The following DOCK4 variants were observed in gnomAD, a reference collection of about 807,000 sequenced individuals.
The protein encoded by DOCK4 is dedicator of cytokinesis protein 4.
In DOCK4, 97 loss-of-function variants were observed where a neutral mutation model predicts 268.1. The ratio of observed to expected loss-of-function variants is 0.36; its 90% CI spans 0.31 to 0.43. The LOEUF is 0.43. Among genes scored for constraint, DOCK4 ranks in the 20% least tolerant of loss-of-function variants. The pLI is 1.00. For synonymous variants in DOCK4, 954 were observed against 887.2 expected (o/e 1.08, Z -1.34); for missense variants, 2,145 against 2,455.7 (o/e 0.87, Z 2.67).
chr7:111,762,364 G>A (rs1461007412), intron 39 of DOCK4, among the ~76,000 whole-genome samples: 3 of 152,134 alleles, frequency 2.0e-5, no homozygotes, highest in Non-Finnish European at 2.9e-5. Context: ...CTCATTAGCA[G>A]TTACTTCCTA....
chr7:112,115,351 A>C (rs1812036076), intron 1 of DOCK4, among the ~76,000 whole-genome samples: 1 of 152,246 alleles, frequency 6.6e-6, no homozygotes, highest in African/African-American at 2.4e-5. Context: ...CAGTGAGTCC[A>C]TCTGATGTGC....
At chr7:112,122,585 T>C (rs889836545) in intron 1 of DOCK4, among the ~76,000 whole-genome samples, 1 of 152,180 alleles carries the variant, frequency 6.6e-6, no homozygotes, top group Non-Finnish European at 1.5e-5. Context: ...CTGCCTCTTA[T>C]AAACAGTATT....
intron 20 of DOCK4, among the ~76,000 whole-genome samples, chr7:111,870,470 C>T (rs10249065): frequency 0.08 from 12,177 of 151,812 alleles, 584 homozygotes; most frequent in Middle Eastern, 0.12. Context: ...TTCAAGTATG[C>T]ACCACCACGC....
intron 13 of DOCK4, among the ~76,000 whole-genome samples, chr7:111,904,752 C>T (rs1369220784): frequency 6.6e-6 from 1 of 152,094 alleles, no homozygotes; most frequent in East Asian, 1.9e-4. Context: ...TATTAGAAAC[C>T]TCTGGGTCTC....
At position 111,732,230 on chromosome 7, in the gene DOCK4, A is replaced by G. The variant is rs1450419343; in HGVS notation, c.5477T>C (p.Leu1826Ser). 1 of 1,614,014 alleles carries G rather than the reference A, an allele frequency of 6.2e-7. No individual in the cohort carries two copies. The highest frequency in any genetic ancestry group is 1.1e-5 in the South Asian group (1 of 91,050). Residue 1826 changes from leucine to serine, a missense_variant, in exon 52 of 53, where the codon TTG becomes TCG. Coordinates refer to ENST00000428084, the MANE Select transcript of DOCK4 (RefSeq NM_001363540.2). ...VSPSPAGRSP[L>S]KGSVQSFTPS... ...AGTCGAAAGAAGGGCCTTTACCTTCAATGGAGATCGCCCGGCAGGCGAGGG... is the reference window on the plus strand; with the variant it reads ...AGTCGAAAGAAGGGCCTTTACCTTCGATGGAGATCGCCCGGCAGGCGAGGG...
At chr7:111,969,415 T>G (rs1797512759) in intron 8 of DOCK4, among the ~76,000 whole-genome samples, 1 of 139,546 alleles carries the variant, frequency 7.2e-6, no homozygotes, top group African/African-American at 3.0e-5. Context: ...TACTAAAAAA[T>G]AAACTCATTT....
At chr7:112,148,493 G>A (rs1182723943) in intron 1 of DOCK4, among the ~76,000 whole-genome samples, 7 of 152,104 alleles carry the variant, frequency 4.6e-5, no homozygotes, top group Non-Finnish European at 7.4e-5. Flanking sequence ...TGATAGAGTC[G>A]TTTTGTGCTT....
rs759800360 is a variant in DOCK4, at chr7:111,895,722, T to TA, written c.1481-5dup. ...TTCTTCTCTCCTTTCTCCTTTGCTG[T>TA]AAAAAACAAATTACTTGCTTATTTA... On this transcript the variant is annotated splice_region_variant and splice_polypyrimidine_tract_variant and intron_variant, in intron 15 of 52. Coordinates refer to ENST00000428084, the MANE Select transcript of DOCK4 (RefSeq NM_001363540.2). 3 of 1,613,206 alleles carry TA rather than the reference T, an allele frequency of 1.9e-6. No individual in the cohort carries two copies. The highest frequency in any genetic ancestry group is 1.1e-5 in the South Asian group (1 of 91,056).
In DOCK4 at chr7:111,790,593, A is replaced by C. The variant is rs1227599354; in HGVS notation, c.3179T>G (p.Leu1060Arg). 1 of 1,612,614 alleles carries C rather than the reference A, an allele frequency of 6.2e-7. No individual in the cohort carries two copies. The highest frequency in any genetic ancestry group is 2.2e-5 in the East Asian group (1 of 44,826). Residue 1060 changes from leucine to arginine, a missense_variant, in exon 31 of 53, where the codon CTT (leucine) becomes CGT (arginine). By Grantham distance (102) the Leu-to-Arg change is moderately radical (BLOSUM62 -2). Around this residue, in one of 2 missense-constraint regions of DOCK4, gnomAD observed 1,598 missense variants for 1,986.7 expected, o/e 0.80. Transcript: ENST00000428084. ...SMWQNLGEHK[L>R]HFIPALIGPF... The stretch of plus-strand genomic sequence containing the variant: ...GCCAATCAGGGCAGGGATAAAATGA[A>C]GCTTGTGCTCTCCTAAAGTGAGAAA...
chr7:111,771,650 G>A (rs1316001175), intron 36 of DOCK4, among the ~76,000 whole-genome samples: 1 of 152,180 alleles, frequency 6.6e-6, no homozygotes, highest in Non-Finnish European at 1.5e-5. Context: ...TCCCTGAGAT[G>A]ATTTCCTGAT....
intron 1 of DOCK4, among the ~76,000 whole-genome samples, chr7:112,057,796 T>A (rs1805970953): frequency 1.3e-5 from 2 of 151,410 alleles, no homozygotes; most frequent in South Asian, 4.2e-4. Flanking sequence ...TATATAAAAA[T>A]AATAATAATG....
At chr7:111,983,960 G>T (rs1328364957) in intron 7 of DOCK4, among the ~76,000 whole-genome samples, 1 of 152,064 alleles carries the variant, frequency 6.6e-6, no homozygotes, top group East Asian at 1.9e-4. Flanking sequence ...ACACCCATTA[G>T]TTACAGCATG....
rs781749992 is a variant in DOCK4, at chr7:112,051,070, T to C, written c.38-46939A>G. ...AAGAAGAGAGTATTAGGCACACATA[T>C]ATGTTAATACTATATAATACCACTG... is the stretch of plus-strand genomic sequence containing the variant. On this transcript the variant is annotated intron_variant, in intron 1 of 52. Transcript: ENST00000428084. Among the ~76,000 whole-genome samples the C allele has an allele frequency of 5.3e-4, 81 of 152,200 alleles. 1 individual carries two copies. Among genetic ancestry groups the C allele is most frequent in the Admixed American group, 5.3e-3 (81 of 15,278 alleles).
intron 8 of DOCK4, among the ~76,000 whole-genome samples, chr7:111,954,192 G>A (rs1006856151): frequency 2.0e-5 from 3 of 152,190 alleles, no homozygotes; most frequent in Non-Finnish European, 4.4e-5. Context: ...TGTGAAGAGA[G>A]CTGTTACTGT....
intron 52 of DOCK4, among the ~76,000 whole-genome samples, chr7:111,731,876 T>TC (rs1795113325): frequency 6.9e-6 from 1 of 144,826 alleles, no homozygotes; most frequent in East Asian, 1.9e-4. Flanking sequence ...GTGTGTGTGT[T>TC]TGATGTACCT....
intron 26 of DOCK4, among the ~76,000 whole-genome samples, chr7:111,823,671 T>G (rs1462988747): frequency 1.3e-5 from 2 of 152,230 alleles, no homozygotes; most frequent in Non-Finnish European, 2.9e-5. Flanking sequence ...TTAGATTTAT[T>G]AACTAGAAAA....
chr7:111,755,802 C>G (rs1796979617), intron 41 of DOCK4, among the ~76,000 whole-genome samples: 2 of 152,190 alleles, frequency 1.3e-5, no homozygotes, highest in Non-Finnish European at 2.9e-5. Flanking sequence ...TGTCATCAAA[C>G]TTTTTTCCAT....
At chr7:112,092,653 C>T (rs919319281) in intron 1 of DOCK4, among the ~76,000 whole-genome samples, 1 of 152,292 alleles carries the variant, frequency 6.6e-6, no homozygotes, top group African/African-American at 2.4e-5. Flanking sequence ...AAGGCTATTA[C>T]AGTGCGAAAC....
At chr7:112,110,963 A>G (rs1811593869) in intron 1 of DOCK4, among the ~76,000 whole-genome samples, 1 of 152,148 alleles carries the variant, frequency 6.6e-6, no homozygotes, top group Non-Finnish European at 1.5e-5. Flanking sequence ...ATCCCTGCCC[A>G]TGTTCTAACG....
Sources: gnomAD v4.1 joint callset for allele counts (sites outside exome capture counted in the v4.1 genomes callset) on GRCh38, gnomAD v4.1.1 for gene constraint, gnomAD v4.1.1 regional missense constraint, MANE v1.5 for transcripts, NCBI Gene and HGNC (gene_info 2026-07-23, HGNC 2026-07-21) for gene names.